PPM1E: variants seen among roughly 807,000 people sequenced by gnomAD.
PPM1E encodes the protein protein phosphatase 1E.
A neutral mutation model predicts 65.9 loss-of-function variants in PPM1E; 20 were observed. That is an observed-to-expected ratio of 0.30 (90% CI 0.21 to 0.44). PPM1E has a LOEUF of 0.44. Among genes scored for constraint, PPM1E ranks in the 20% least tolerant of loss-of-function variants. The pLI is 1.00. For missense variants in PPM1E, 713 were observed against 953.1 expected, an observed-to-expected ratio of 0.75 and a Z score of 3.32; for synonymous variants, 352 against 374.9, an observed-to-expected ratio of 0.94 and a Z score of 0.70.
chr17:58,785,754 T>C (rs2050094822), intron 1 of PPM1E: 1 of 151,890 alleles, frequency 6.6e-6, no homozygotes, highest in East Asian at 1.9e-4. Flanking sequence ...CCAGACCCAG[T>C]TGCTGATTGT....
intron 1 of PPM1E, among the ~76,000 whole-genome samples, chr17:58,923,575 G>A (rs1222127990): frequency 1.3e-5 from 2 of 151,594 alleles, no homozygotes; most frequent in East Asian, 2.0e-4. Flanking sequence ...GTGAAACCCC[G>A]TCTCTACTAA....
intron 1 of PPM1E, among the ~76,000 whole-genome samples, chr17:58,865,318 C>A (rs983159313): frequency 6.6e-6 from 1 of 151,788 alleles, no homozygotes; most frequent in African/African-American, 2.4e-5. Flanking sequence ...ACCAGGGAGG[C>A]GGAGGTTGCA....
chr17:58,789,089 G>A (rs1598571973), intron 1 of PPM1E, among the ~76,000 whole-genome samples: 1 of 152,158 alleles, frequency 6.6e-6, no homozygotes, highest in Non-Finnish European at 1.5e-5. Flanking sequence ...ATGTACATCT[G>A]TTTTGGACTG....
At chr17:58,873,509 G>A (rs923011252) in intron 1 of PPM1E, among the ~76,000 whole-genome samples, 7 of 151,560 alleles carry the variant, frequency 4.6e-5, no homozygotes, top group East Asian at 3.9e-4. Context: ...CAAGAGCTAC[G>A]TAGAGGTAGC....
intron 1 of PPM1E, among the ~76,000 whole-genome samples, chr17:58,952,440 C>G (rs2052252587): frequency 6.6e-6 from 1 of 152,184 alleles, no homozygotes; most frequent in Non-Finnish European, 1.5e-5. Context: ...ACCTGCCAGC[C>G]TGTTTCTCAG....
intron 1 of PPM1E, among the ~76,000 whole-genome samples, chr17:58,782,828 T>TA (rs2050063697): frequency 6.6e-6 from 1 of 152,140 alleles, no homozygotes; most frequent in Non-Finnish European, 1.5e-5. Context: ...ATATTAAAGA[T>TA]AATTTTAAAG....
intron 1 of PPM1E, among the ~76,000 whole-genome samples, chr17:58,775,920 C>CAAAAAAAA (rs1158158641): frequency 1.1e-4 from 6 of 52,506 alleles, no homozygotes; most frequent in Non-Finnish European, 1.5e-4. Flanking sequence ...GACTCCGTCT[C>CAAAAAAAA]AAAAAAAAAA....
At chr17:58,796,479 A>G (rs1567836284) in intron 1 of PPM1E, among the ~76,000 whole-genome samples, 3 of 152,206 alleles carry the variant, frequency 2.0e-5, no homozygotes, top group South Asian at 2.1e-4. Flanking sequence ...TGTGTTGCCC[A>G]GGCTGGTCTC....
intron 1 of PPM1E, among the ~76,000 whole-genome samples, chr17:58,765,302 C>T (rs930663039): frequency 5.3e-5 from 8 of 151,710 alleles, no homozygotes; most frequent in South Asian, 4.2e-4. Context: ...CTCAGCCTCC[C>T]GAGTAGCTGG....
chr17:58,767,230 A>G (rs1009672173), intron 1 of PPM1E, among the ~76,000 whole-genome samples: 1 of 152,102 alleles, frequency 6.6e-6, no homozygotes, highest in Non-Finnish European at 1.5e-5. Context: ...TATATTTATT[A>G]CCTCTTTTAA....
At chr17:58,930,268 C>T (rs1037898653) in intron 1 of PPM1E, among the ~76,000 whole-genome samples, 1 of 151,598 alleles carries the variant, frequency 6.6e-6, no homozygotes, top group African/African-American at 2.4e-5. Context: ...CACACACACA[C>T]ACACACACAC....
At chr17:58,871,343 G>GT (rs1397327967) in intron 1 of PPM1E, among the ~76,000 whole-genome samples, 1 of 152,018 alleles carries the variant, frequency 6.6e-6, no homozygotes, top group Admixed American at 6.6e-5. Context: ...GCCTGGCTCT[G>GT]TATGCTCTTC....
At chr17:58,816,767 TATATATATATATATATATATA>T (rs2050422887) in intron 1 of PPM1E, among the ~76,000 whole-genome samples, 6 of 14,852 alleles carry the variant, frequency 4.0e-4, no homozygotes, top group African/African-American at 1.5e-3. Context: ...TATATATATA[TATATATATATATATATATATA>T]TATATATTTT....
At chr17:58,923,952 C>G (rs1228437988) in intron 1 of PPM1E, among the ~76,000 whole-genome samples, 2 of 117,438 alleles carry the variant, frequency 1.7e-5, no homozygotes, top group Non-Finnish European at 1.7e-5. Context: ...GAATCTCGCT[C>G]TTGTCGCCCA....
At chr17:58,955,849 C>A (rs562172479) in intron 2 of PPM1E, 82 bp downstream of exon 2, 528 of 1,415,430 alleles carry the variant, frequency 3.7e-4, no homozygotes, top group Non-Finnish European at 4.8e-4. Context: ...CTGCAAAATA[C>A]TAAATCTAAT....
intron 1 of PPM1E, among the ~76,000 whole-genome samples, chr17:58,814,398 A>G (rs1179986162): frequency 1.3e-5 from 2 of 152,180 alleles, no homozygotes; most frequent in Non-Finnish European, 2.9e-5. Flanking sequence ...CACATTTGAG[A>G]CTTCTAACAA....
At chr17:58,917,529 T>C (rs1288166935) in intron 1 of PPM1E, among the ~76,000 whole-genome samples, 1 of 152,194 alleles carries the variant, frequency 6.6e-6, no homozygotes, top group Non-Finnish European at 1.5e-5. Context: ...TGAAAACTAT[T>C]TGGAAATAGA....
chr17:58,948,055 A>T (rs1327440171), intron 1 of PPM1E, among the ~76,000 whole-genome samples: 2 of 152,162 alleles, frequency 1.3e-5, no homozygotes, highest in African/African-American at 4.8e-5. Context: ...GAGACAGAGG[A>T]AGAAAGAAGA....
chr17:58,893,255 C>T (rs141337920), intron 1 of PPM1E, among the ~76,000 whole-genome samples: 79 of 152,070 alleles, frequency 5.2e-4, no homozygotes, highest in Non-Finnish European at 1.0e-3. Context: ...TGCATCCAGA[C>T]AATGGAATAT....
Sources: gnomAD v4.1 joint callset for allele counts (sites outside exome capture counted in the v4.1 genomes callset) on GRCh38, gnomAD v4.1.1 for gene constraint, MANE v1.5 for transcripts, NCBI Gene and HGNC (gene_info 2026-07-23, HGNC 2026-07-21) for gene names.